The following RNGTT variants were observed in gnomAD, a reference collection of about 807,000 sequenced individuals.
RNGTT encodes RNA guanylyltransferase and 5'-phosphatase.
A neutral mutation model predicts 79.3 loss-of-function variants in RNGTT; 33 were observed. The ratio of observed to expected loss-of-function variants is 0.42; its 90% CI spans 0.32 to 0.56. The LOEUF (loss-of-function observed/expected upper bound fraction) is 0.56, where lower values mean the gene tolerates loss of function less well. RNGTT is among the 20% of genes least tolerant of loss of function. RNGTT has a pLI of 0.17. For missense variants in RNGTT, 497 were observed against 739.1 expected, an observed-to-expected ratio of 0.67 and a Z score of 3.80; for synonymous variants, 222 against 235.9, an observed-to-expected ratio of 0.94 and a Z score of 0.54.
rs1785715103 is a variant in RNGTT, at chr6:88,963,405, G to T, written c.5C>A (p.Ala2Asp). Reference sequence around the variant, plus strand: ...CCACCGCGGCGGGATCTTGTTGTGAGCCATGTCTTGGGGCTGCGCAGAGCT... The same window carrying T: ...CCACCGCGGCGGGATCTTGTTGTGATCCATGTCTTGGGGCTGCGCAGAGCT... MAHNKIPPRWLN... is the reference protein window; with the variant it reads MDHNKIPPRWLN... The change falls in exon 1 of 16, where the codon GCT becomes GAT. Residue 2 changes from alanine (A) to aspartate (D), a missense_variant. Ala to Asp is a moderately radical substitution (Grantham distance 126). Transcript: ENST00000369485. The T allele has an allele frequency of 6.2e-7, 1 of 1,605,248 alleles. No homozygotes were observed. The highest frequency in any genetic ancestry group is 1.3e-5 in the African/African-American group (1 of 74,354).
At chr6:88,851,436 G>A (rs945718910) in intron 9 of RNGTT, among the ~76,000 whole-genome samples, 1 of 151,792 alleles carries the variant, frequency 6.6e-6, no homozygotes, top group African/African-American at 2.4e-5. Flanking sequence ...TCAACAATAA[G>A]CATGTAGTGT....
chr6:88,631,534 C>T (rs1772884653), intron 14 of RNGTT, among the ~76,000 whole-genome samples: 1 of 152,188 alleles, frequency 6.6e-6, no homozygotes, highest in African/African-American at 2.4e-5. Context: ...AATAAAGGCT[C>T]TAGAGGTGTC....
Position 88,834,766 on chromosome 6 carries a change from G to A in RNGTT, c.1269+9591C>T, listed in dbSNP as rs561814346. Among the ~76,000 whole-genome samples, 4 of 151,588 alleles carry A rather than the reference G, an allele frequency of 2.6e-5. No homozygotes were observed. In the East Asian group the frequency reaches 5.8e-4, roughly 22 times the overall value. On this transcript the variant is annotated intron_variant, in intron 11 of 15. Coordinates refer to ENST00000369485, the MANE Select transcript of RNGTT (RefSeq NM_003800.5). ...CTACTAGTCTTGAACAGACACTTAA[G>A]AACTTATAAATTTATATTTAGTGAT... is the stretch of plus-strand genomic sequence containing the variant.
chr6:88,664,509 G>A (rs142649864), intron 14 of RNGTT, among the ~76,000 whole-genome samples: 3 of 152,244 alleles, frequency 2.0e-5, no homozygotes, highest in African/African-American at 7.2e-5. Flanking sequence ...CCGCAAAGAA[G>A]GTGAATGCCA....
intron 12 of RNGTT, among the ~76,000 whole-genome samples, chr6:88,780,975 GA>G (rs1448165453): frequency 1.3e-5 from 2 of 152,158 alleles, no homozygotes; most frequent in Admixed American, 6.5e-5. Flanking sequence ...AAGAGGTGGG[GA>G]GGGGGTGCTA....
chr6:88,674,738 G>A (rs1351584227), intron 14 of RNGTT, among the ~76,000 whole-genome samples: 1 of 151,582 alleles, frequency 6.6e-6, no homozygotes, highest in Non-Finnish European at 1.5e-5. Context: ...ATGGAGCCAA[G>A]AAACAAATGT....
chr6:88,935,977 T>A (rs534933428), intron 2 of RNGTT, among the ~76,000 whole-genome samples: 70 of 152,326 alleles, frequency 4.6e-4, no homozygotes, highest in Non-Finnish European at 9.6e-4. Flanking sequence ...TGAAGTGCAG[T>A]GGCTCAATCA....
In RNGTT at chr6:88,738,426, C is replaced by A. The variant is rs74656754; in HGVS notation, c.1439+31348G>T. On this transcript the variant is annotated intron_variant, in intron 13 of 15. Transcript: ENST00000369485. ...TAAGGAAATCTGAATAAGCTACAGA[C>A]CTTAGTTAAAAATAACACACCAAGT... Among the ~76,000 whole-genome samples, 88 of 152,210 alleles carry A rather than the reference C, an allele frequency of 5.8e-4. 1 individual carries two copies. The East Asian group carries it at 0.01, about 18-fold the overall frequency.
chr6:88,617,865 A>AT (rs1772290771), intron 14 of RNGTT, among the ~76,000 whole-genome samples: 1 of 136,184 alleles, frequency 7.3e-6, no homozygotes, highest in African/African-American at 3.3e-5. Flanking sequence ...ACACTGCTTA[A>AT]TTAAAAAAAA....
intron 11 of RNGTT, among the ~76,000 whole-genome samples, chr6:88,843,562 T>C (rs1315639192): frequency 1.5e-5 from 2 of 134,908 alleles, no homozygotes; most frequent in African/African-American, 5.6e-5. Flanking sequence ...TTTTTTTTTT[T>C]TTTTTTTTTT....
intron 8 of RNGTT, among the ~76,000 whole-genome samples, chr6:88,868,446 T>C (rs1782246464): frequency 6.6e-6 from 1 of 152,184 alleles, no homozygotes; most frequent in South Asian, 2.1e-4. Flanking sequence ...CTGTAAGAGC[T>C]TACAAAGATT....
intron 8 of RNGTT, among the ~76,000 whole-genome samples, chr6:88,871,455 TC>T (rs1287372445): frequency 6.6e-6 from 1 of 152,110 alleles, no homozygotes; most frequent in African/African-American, 2.4e-5. Flanking sequence ...GGAGCTTAAT[TC>T]CCCTCCTTTA....
intron 11 of RNGTT, among the ~76,000 whole-genome samples, chr6:88,830,472 C>T (rs188334337): frequency 3.3e-5 from 5 of 152,020 alleles, no homozygotes; most frequent in South Asian, 2.1e-4. Context: ...CAGGAGAAAG[C>T]GGGAAAGATC....
At chr6:88,894,743 A>T (rs1319439816) in intron 6 of RNGTT, among the ~76,000 whole-genome samples, 1 of 152,144 alleles carries the variant, frequency 6.6e-6, no homozygotes, top group East Asian at 1.9e-4. Context: ...AGCATAAAAT[A>T]GTTAAATCTT....
At chr6:88,855,602 G>A (rs60819219) in intron 8 of RNGTT, among the ~76,000 whole-genome samples, 3,175 of 152,198 alleles carry the variant, frequency 0.021, 120 homozygotes, top group African/African-American at 0.071. Flanking sequence ...GTTCCAGCAG[G>A]TGTCTGGGGA....
chr6:88,891,444 C>T (rs1187916457), intron 7 of RNGTT, among the ~76,000 whole-genome samples: 1 of 152,070 alleles, frequency 6.6e-6, no homozygotes, highest in Non-Finnish European at 1.5e-5. Context: ...AGCTGATTTT[C>T]CTAGACTTCT....
chr6:88,821,521 CAT>C (rs1179414385), intron 11 of RNGTT, among the ~76,000 whole-genome samples: 1 of 151,856 alleles, frequency 6.6e-6, no homozygotes, highest in African/African-American at 2.4e-5. Context: ...TATAGAAGCA[CAT>C]GTTAAGCAAA....
intron 13 of RNGTT, among the ~76,000 whole-genome samples, chr6:88,697,044 T>A (rs1282834910): frequency 1.3e-5 from 2 of 152,196 alleles, no homozygotes; most frequent in Non-Finnish European, 2.9e-5. Context: ...AAAGACTGAC[T>A]GTTATATTCC....
At position 88,893,036 on chromosome 6, in the gene RNGTT, C is replaced by T. The variant is rs182618852; in HGVS notation, c.685-1121G>A. ...AGCCCAAGGATCAAAGAGTACCATC[C>T]CTCTACTATTATACCATTATTTCTC... is the stretch of plus-strand genomic sequence containing the variant. On this transcript the variant is annotated intron_variant, in intron 6 of 15. Coordinates refer to ENST00000369485, the MANE Select transcript of RNGTT (RefSeq NM_003800.5). Among the ~76,000 whole-genome samples the T allele has an allele frequency of 2.2e-4, 33 of 152,086 alleles. No homozygotes were observed. In the South Asian group the frequency reaches 6.6e-3, roughly 31 times the overall value.
Sources: allele counts gnomAD v4.1 joint callset (sites outside exome capture counted in the v4.1 genomes callset), GRCh38; gene constraint gnomAD v4.1.1; transcripts MANE v1.5; gene names NCBI Gene and HGNC (gene_info 2026-07-23, HGNC 2026-07-21).